STRN3: variants seen among roughly 807,000 people sequenced by gnomAD.
STRN3 encodes the protein striatin-3.
STRN3 carries 29 observed loss-of-function variants against 95.6 expected under a neutral mutation model. The ratio of observed to expected loss-of-function variants is 0.30; its 90% CI spans 0.23 to 0.41. The LOEUF (loss-of-function observed/expected upper bound fraction) is 0.41. Ranked by LOEUF, STRN3 falls within the 10% of genes least tolerant of loss-of-function variation. The pLI, the probability that STRN3 is intolerant of heterozygous loss-of-function variation, is 1.00. For missense variants in STRN3, 890 were observed against 972.1 expected (o/e 0.92, Z 1.12); for synonymous variants, 331 against 357.6 (o/e 0.93, Z 0.84).
intron 1 of STRN3, among the ~76,000 whole-genome samples, chr14:31,021,813 A>C (rs1883520604): frequency 6.6e-6 from 1 of 152,280 alleles, no homozygotes; most frequent in East Asian, 1.9e-4. Context: ...CGAAGTGTTT[A>C]GAAGGGAGGA....
rs1031452083 is a variant in STRN3 at position 30,968,566 on chromosome 14, C to A, written c.283-12324G>T. Among the ~76,000 whole-genome samples, 3 of 151,506 alleles carry A rather than the reference C, an allele frequency of 2.0e-5. No homozygotes were observed. In the East Asian group the frequency reaches 5.8e-4, roughly 29 times the overall value. The stretch of plus-strand genomic sequence containing the variant: ...ATGGTGGCGGGTGCCTGTAGCCCCA[C>A]CTACTCAGGAGGCTGAGGAAGGAGA... On this transcript the variant is annotated intron_variant, in intron 1 of 17. Transcript: ENST00000357479.
chr14:30,985,042 C>T (rs890504570), intron 1 of STRN3, among the ~76,000 whole-genome samples: 7 of 151,938 alleles, frequency 4.6e-5, no homozygotes, highest in Admixed American at 3.9e-4. Flanking sequence ...CTTGGCCGGA[C>T]GCGGTGGTTC....
intron 13 of STRN3, among the ~76,000 whole-genome samples, chr14:30,910,215 T>C (rs528234401): frequency 2.0e-5 from 3 of 152,374 alleles, no homozygotes; most frequent in African/African-American, 7.2e-5. Context: ...AGACCTTTCT[T>C]GACTAACTCT....
chr14:31,016,574 C>G (rs544130930), intron 1 of STRN3, among the ~76,000 whole-genome samples: 1 of 152,054 alleles, frequency 6.6e-6, no homozygotes, highest in South Asian at 2.1e-4. Context: ...GACAGAGTCT[C>G]GCTCTGTCGC....
At chr14:30,980,672 A>ATCTG (rs1411173395) in intron 1 of STRN3, among the ~76,000 whole-genome samples, 1 of 152,136 alleles carries the variant, frequency 6.6e-6, no homozygotes, top group Non-Finnish European at 1.5e-5. Flanking sequence ...AAGTGCTGGG[A>ATCTG]TAACAGGCGT....
intron 3 of STRN3, among the ~76,000 whole-genome samples, chr14:30,952,350 T>C (rs999100181): frequency 1.3e-5 from 2 of 152,148 alleles, no homozygotes; most frequent in African/African-American, 2.4e-5. Context: ...AATCACTTAG[T>C]AGTGATTCAA....
intron 1 of STRN3, among the ~76,000 whole-genome samples, chr14:30,977,446 T>TG (rs1226139032): frequency 6.6e-6 from 1 of 150,974 alleles, no homozygotes; most frequent in Non-Finnish European, 1.5e-5. Context: ...GGGGGAAAGA[T>TG]GGAGAAAGGG....
chr14:31,008,175 A>T (rs1225130929), intron 1 of STRN3, among the ~76,000 whole-genome samples: 1 of 151,118 alleles, frequency 6.6e-6, no homozygotes, highest in Non-Finnish European at 1.5e-5. Context: ...TAGGCAACAG[A>T]GTGAGACTCC....
At chr14:30,993,879 T>G (rs1882081094) in intron 1 of STRN3, among the ~76,000 whole-genome samples, 1 of 149,632 alleles carries the variant, frequency 6.7e-6, no homozygotes, top group African/African-American at 2.5e-5. Flanking sequence ...GGGGTTTCTT[T>G]CTTTTTTTTT....
At chr14:30,916,344 G>A (rs1420366535) in intron 9 of STRN3, among the ~76,000 whole-genome samples, 6 of 148,494 alleles carry the variant, frequency 4.0e-5, no homozygotes, top group Middle Eastern at 3.5e-3. Flanking sequence ...GCGCGATCTC[G>A]GCTCACTGCA....
rs56731333 is a variant in STRN3 at position 30,902,189 on chromosome 14, AAAAAAAAAAAAAAAAAAAAT to A, written c.2137+327_2137+346del. ...TCCGCCTCAAAAAAAAAAAAAAAAAAAAAAAAAAAAAAAAAAAAATGGAAATGCCAAACACCAGAAAGAGA... is the reference window on the plus strand; with the variant it reads ...TCCGCCTCAAAAAAAAAAAAAAAAAAGGAAATGCCAAACACCAGAAAGAGA... On this transcript the variant is annotated intron_variant, in intron 16 of 17. Coordinates refer to ENST00000357479, the MANE Select transcript of STRN3 (RefSeq NM_001083893.2). 4.4e-3 allele frequency among the ~76,000 whole-genome samples: 633 copies of A among 144,168 alleles called. 4 individuals are homozygous for A. The highest frequency in any genetic ancestry group is 0.016 in the African/African-American group (592 of 37,798). 94.6% of individuals were successfully genotyped at this position (144,168 alleles called of 152,430 possible). A position where few individuals can be genotyped will look rare whatever the true frequency, so the allele number is the denominator to read the frequency against.
intron 1 of STRN3, among the ~76,000 whole-genome samples, chr14:31,016,150 T>C (rs988693657): frequency 6.6e-6 from 1 of 152,168 alleles, no homozygotes; most frequent in Non-Finnish European, 1.5e-5. Flanking sequence ...CATGTGGCAG[T>C]TTCTTACATA....
At chr14:31,010,223 T>G (rs1023181363) in intron 1 of STRN3, among the ~76,000 whole-genome samples, 2 of 152,212 alleles carry the variant, frequency 1.3e-5, no homozygotes, top group African/African-American at 4.8e-5. Flanking sequence ...GTTTTATAAC[T>G]ATTTTTTCTT....
intron 1 of STRN3, among the ~76,000 whole-genome samples, chr14:31,019,523 A>G (rs1413937365): frequency 6.6e-6 from 1 of 152,214 alleles, no homozygotes; most frequent in Non-Finnish European, 1.5e-5. Context: ...TCTTTATGAT[A>G]AAAAGGATAA....
intron 9 of STRN3, among the ~76,000 whole-genome samples, chr14:30,917,568 G>A (rs966815452): frequency 2.3e-4 from 35 of 150,134 alleles, no homozygotes; most frequent in Admixed American, 6.0e-4. Context: ...AAAAAAAAAA[G>A]GAGTTGCTAT....
chr14:30,953,599 T>C (rs1377259069), intron 3 of STRN3, among the ~76,000 whole-genome samples: 1 of 152,190 alleles, frequency 6.6e-6, no homozygotes, highest in Non-Finnish European at 1.5e-5. Flanking sequence ...TATATGCTTT[T>C]TGAGGAGTGG....
intron 14 of STRN3, 26 bp from the exon 15 acceptor site, chr14:30,905,584 T>C (rs994741445): frequency 1.9e-6 from 3 of 1,567,066 alleles, no homozygotes; most frequent in Non-Finnish European, 2.6e-6. Flanking sequence ...AGACAGACAA[T>C]GTAAACAAAG....
chr14:30,895,213 G>C lies in STRN3; in HGVS notation c.*198C>G. 1 of 583,510 alleles carries C rather than the reference G, an allele frequency of 1.7e-6. No individual in the cohort carries two copies. Among genetic ancestry groups the C allele is most frequent in the Admixed American group, 3.3e-5 (1 of 29,868 alleles). 36.1% of individuals were successfully genotyped at this position (583,510 alleles called of 1,614,324 possible). On this transcript the variant is annotated 3_prime_UTR_variant, in exon 18 of 18. Transcript: ENST00000357479. The stretch of plus-strand genomic sequence containing the variant: ...CAAATACTGGAGTCCTTTTTTCTTT[G>C]TCCCACAAAATACAGTAATTACAGT...
At chr14:30,989,458 T>TTTTATTTA (rs1162869308) in intron 1 of STRN3, among the ~76,000 whole-genome samples, 1 of 151,962 alleles carries the variant, frequency 6.6e-6, no homozygotes, top group East Asian at 1.9e-4. Flanking sequence ...AACACAGGAT[T>TTTTATTTA]TTTATTTATT....
Sources: allele counts gnomAD v4.1 joint callset (sites outside exome capture counted in the v4.1 genomes callset), GRCh38; gene constraint gnomAD v4.1.1; transcripts MANE v1.5; gene names NCBI Gene and HGNC (gene_info 2026-07-23, HGNC 2026-07-21).